Variants in HDAC4 observed in about 807,000 individuals in gnomAD.
HDAC4 encodes histone deacetylase A.
HDAC4 carries 16 observed loss-of-function variants against 135.1 expected under a neutral mutation model. The ratio of observed to expected loss-of-function variants is 0.12; its 90% confidence interval spans 0.08 to 0.18. The LOEUF (loss-of-function observed/expected upper bound fraction) is 0.18. Ranked by LOEUF, HDAC4 falls within the 10% of genes least tolerant of loss-of-function variation. The probability of loss-of-function intolerance (pLI) is 1.00; values close to 1 mark genes in which losing one functional copy is unlikely to be tolerated. For synonymous variants in HDAC4, 685 were observed against 653.4 expected (o/e 1.05, Z -0.74); for missense variants, 1,143 against 1,511.8 (o/e 0.76, Z 4.05).
chr2:239,091,184 G>C (rs1290648187), intron 17 of HDAC4: 2 of 152,276 alleles, frequency 1.3e-5, no homozygotes, highest in Admixed American at 6.5e-5. Flanking sequence ...GCTCAATTCA[G>C]GAGGAAAGTC....
At position 239,082,049 on chromosome 2, in the gene HDAC4, C is replaced by T. The variant is rs867086008; in HGVS notation, c.2652+53G>A. 1.0e-4 allele frequency: 163 copies of T among 1,600,562 alleles called. 3 individuals carry two copies. The Middle Eastern group carries it at 2.0e-3, about 19-fold the overall frequency. Reference sequence around the variant, plus strand: ...GACCGTCTGCCCCGTGCCCCCACAGCGGCTCCCCGCAGTCCCCCTTTCCCC... The same window carrying T: ...GACCGTCTGCCCCGTGCCCCCACAGTGGCTCCCCGCAGTCCCCCTTTCCCC... On this transcript the variant is annotated intron_variant, in intron 21 of 26. Transcript: ENST00000543185.
At chr2:239,368,917 G>A (rs573645555) in intron 1 of HDAC4, among the ~76,000 whole-genome samples, 7 of 152,268 alleles carry the variant, frequency 4.6e-5, no homozygotes, top group Admixed American at 3.9e-4. Context: ...ATGGGAACCC[G>A]CAGACAATCC....
chr2:239,162,838 C>T (rs1045803939), intron 6 of HDAC4, among the ~76,000 whole-genome samples: 16 of 151,974 alleles, frequency 1.1e-4, no homozygotes, highest in South Asian at 2.1e-4. Context: ...CAAGGGGGAT[C>T]GCGTCTGAGC....
intron 2 of HDAC4, among the ~76,000 whole-genome samples, chr2:239,273,032 C>T (rs1249203289): frequency 2.0e-5 from 3 of 152,304 alleles, no homozygotes; most frequent in Admixed American, 2.0e-4. Flanking sequence ...GGGTCTACAT[C>T]CTCATTCCCG....
chr2:239,383,540 G>A (rs774765552), intron 1 of HDAC4, among the ~76,000 whole-genome samples: 64 of 151,958 alleles, frequency 4.2e-4, no homozygotes, highest in Non-Finnish European at 1.0e-4. Flanking sequence ...AGAAACCCAC[G>A]GCAAGCGCAG....
chr2:239,384,045 G>C (rs550443619), intron 1 of HDAC4, among the ~76,000 whole-genome samples: 2 of 152,180 alleles, frequency 1.3e-5, no homozygotes, highest in African/African-American at 2.4e-5. Context: ...GGGAAGCCAC[G>C]AACAGCCCGG....
intron 22 of HDAC4, among the ~76,000 whole-genome samples, chr2:239,076,817 T>G (rs2034813189): frequency 6.6e-6 from 1 of 152,216 alleles, no homozygotes; most frequent in African/African-American, 2.4e-5. Context: ...GAAAACAGAC[T>G]GAAGCAAAAG....
At chr2:239,364,947 G>A (rs1383410265) in intron 1 of HDAC4, among the ~76,000 whole-genome samples, 5 of 152,216 alleles carry the variant, frequency 3.3e-5, no homozygotes, top group Non-Finnish European at 7.3e-5. Flanking sequence ...ACAGGGTGCA[G>A]ATTTTAAATG....
rs2042445887 is a variant in HDAC4 at position 239,156,713 on chromosome 2, G to A, written c.672C>T (p.Ser224=). 1 of 1,614,024 alleles carries A rather than the reference G, an allele frequency of 6.2e-7. No individual in the cohort carries two copies. Among genetic ancestry groups the A allele is most frequent in the Admixed American group, 1.7e-5 (1 of 60,004 alleles). The change falls in exon 7 of 27, where the codon TCC becomes TCT. Residue 224 remains serine, a synonymous_variant. Coordinates refer to ENST00000543185, the MANE Select transcript of HDAC4 (RefSeq NM_001378414.1). Reference sequence around the variant, plus strand: ...ACATTCCCAGGACCGGGTGGTTATAGGAGGTCGACACTCCGCTCTGGGGTG... The same window carrying A: ...ACATTCCCAGGACCGGGTGGTTATAAGAGGTCGACACTCCGCTCTGGGGTG... ...SSPPQSGVST[S]YNHPVLGMYD...
intron 3 of HDAC4, among the ~76,000 whole-genome samples, chr2:239,227,830 A>G (rs1265607560): frequency 2.6e-5 from 4 of 152,184 alleles, no homozygotes; most frequent in Non-Finnish European, 5.9e-5. Context: ...CGCCCTGCAG[A>G]TCAGGTCCAG....
At chr2:239,217,954 T>C (rs905564368) in intron 3 of HDAC4, among the ~76,000 whole-genome samples, 1 of 152,044 alleles carries the variant, frequency 6.6e-6, no homozygotes, top group African/African-American at 2.4e-5. Flanking sequence ...CAGCCAGCAG[T>C]GGTGACACGT....
At chr2:239,385,141 C>G (rs970385142) in intron 1 of HDAC4, among the ~76,000 whole-genome samples, 5 of 152,338 alleles carry the variant, frequency 3.3e-5, no homozygotes, top group African/African-American at 1.2e-4. Flanking sequence ...CTGGCACAAT[C>G]GGAGGCCCAT....
At chr2:239,253,619 C>T (rs1219953478) in intron 2 of HDAC4, among the ~76,000 whole-genome samples, 1 of 152,360 alleles carries the variant, frequency 6.6e-6, no homozygotes, top group South Asian at 2.1e-4. Context: ...CCTTACTGCA[C>T]TGACTCGATA....
chr2:239,316,317 T>C (rs185353940), intron 2 of HDAC4, among the ~76,000 whole-genome samples: 367 of 152,308 alleles, frequency 2.4e-3, no homozygotes, highest in Non-Finnish European at 3.9e-3. Flanking sequence ...AAAACTCAGA[T>C]GGCAGGCCCG....
intron 12 of HDAC4, among the ~76,000 whole-genome samples, chr2:239,117,546 A>G (rs2039246354): frequency 1.7e-5 from 2 of 115,560 alleles, no homozygotes; most frequent in African/African-American, 6.7e-5. Context: ...AAGAGGGGAG[A>G]GAGGGATGCG....
chr2:239,113,638 C>T (rs904732043), intron 13 of HDAC4, among the ~76,000 whole-genome samples: 1 of 152,148 alleles, frequency 6.6e-6, no homozygotes, highest in Admixed American at 6.5e-5. Context: ...GAGAAACTAG[C>T]CCTAAAAATT....
At chr2:239,077,501 C>G (rs957792425) in intron 22 of HDAC4, among the ~76,000 whole-genome samples, 1 of 152,262 alleles carries the variant, frequency 6.6e-6, no homozygotes, top group Non-Finnish European at 1.5e-5. Flanking sequence ...GCCCCACAGG[C>G]GAGCGAAGGC....
At chr2:239,218,875 C>T (rs2046792801) in intron 3 of HDAC4, among the ~76,000 whole-genome samples, 1 of 151,530 alleles carries the variant, frequency 6.6e-6, no homozygotes, top group African/African-American at 2.4e-5. Flanking sequence ...AAAATGCTCA[C>T]CATCACCGGC....
chr2:239,078,376 T>C (rs1251405505), intron 22 of HDAC4, among the ~76,000 whole-genome samples: 1 of 151,398 alleles, frequency 6.6e-6, no homozygotes, highest in Non-Finnish European at 1.5e-5. Context: ...AATAACAAGG[T>C]GCTGCCTGGA....
Sources: gnomAD v4.1 joint callset for allele counts (sites outside exome capture counted in the v4.1 genomes callset) on GRCh38, gnomAD v4.1.1 for gene constraint, MANE v1.5 for transcripts, NCBI Gene and HGNC (gene_info 2026-07-23, HGNC 2026-07-21) for gene names.